Variants in FAM107B observed in about 807,000 individuals in gnomAD.
FAM107B encodes family with sequence similarity 107 member B.
FAM107B carries 21 observed loss-of-function variants against 31.5 expected under a neutral mutation model. The observed-to-expected ratio is 0.67, with a 90% confidence interval of 0.47 to 0.96. The LOEUF is 0.96. Ranked by LOEUF, FAM107B falls within the 40% of genes least tolerant of loss-of-function variation. The pLI, the probability that FAM107B is intolerant of heterozygous loss-of-function variation, is 0.00. For missense variants in FAM107B, 452 were observed against 377.1 expected (o/e 1.20, Z -1.64); for synonymous variants, 157 against 141.5 (o/e 1.11, Z -0.78).
chr10:14,631,100 AC>A, intron 2 of FAM107B, among the ~76,000 whole-genome samples: 1 of 152,224 alleles, frequency 6.6e-6, no homozygotes, highest in Non-Finnish European at 1.5e-5. Context: ...CATTACAAAA[AC>A]CTTTCTATTG....
chr10:14,520,202 G>C lies in FAM107B; in HGVS notation c.*988C>G, dbSNP rs72784927. ...GACATTCAAATGCTATACATCTTCT[G>C]ATGAAGCCTCCTTGACAGCAGTCTA... On this transcript the variant is annotated 3_prime_UTR_variant, in exon 5 of 5. Coordinates refer to ENST00000181796, the MANE Select transcript of FAM107B (RefSeq NM_031453.4). 6.6e-6 allele frequency: 1 copy of C among 152,308 alleles called. No homozygotes were observed. The highest frequency in any genetic ancestry group is 1.9e-4 in the East Asian group (1 of 5,182). 9.4% of individuals were successfully genotyped at this position (152,308 alleles called of 1,614,324 possible). A position where few individuals can be genotyped will look rare whatever the true frequency, so the allele number is the denominator to read the frequency against.
intron 1 of FAM107B, among the ~76,000 whole-genome samples, chr10:14,734,925 A>G (rs1296173609): frequency 6.6e-6 from 1 of 152,054 alleles, no homozygotes; most frequent in Admixed American, 6.5e-5. Context: ...GATATACGCA[A>G]TCTCCTCCCC....
At chr10:14,597,941 C>T (rs756144753) in intron 2 of FAM107B, among the ~76,000 whole-genome samples, 4 of 152,110 alleles carry the variant, frequency 2.6e-5, no homozygotes, top group Non-Finnish European at 5.9e-5. Flanking sequence ...CAGAGTGAGA[C>T]TCTGTCTCAA....
At chr10:14,584,226 G>C (rs571086169) in intron 2 of FAM107B, among the ~76,000 whole-genome samples, 51 of 152,266 alleles carry the variant, frequency 3.3e-4, no homozygotes, top group African/African-American at 1.2e-3. Flanking sequence ...CAATGACTCA[G>C]GAAGAAGCAC....
intron 2 of FAM107B, among the ~76,000 whole-genome samples, chr10:14,638,346 A>G (rs1853553541): frequency 2.0e-5 from 3 of 151,828 alleles, no homozygotes; most frequent in Admixed American, 2.0e-4. Flanking sequence ...CCATATTGCT[A>G]GAAGTGGAAG....
chr10:14,752,184 C>T (rs1260923899), intron 1 of FAM107B, among the ~76,000 whole-genome samples: 1 of 152,212 alleles, frequency 6.6e-6, no homozygotes, highest in African/African-American at 2.4e-5. Context: ...GACAGGCAAT[C>T]CATCCTTCCT....
intron 2 of FAM107B, among the ~76,000 whole-genome samples, chr10:14,536,533 G>A (rs553014696): frequency 6.6e-6 from 1 of 152,306 alleles, no homozygotes; most frequent in African/African-American, 2.4e-5. Context: ...AGCACCCACA[G>A]TTCCCAGACA....
At chr10:14,612,913 A>G (rs1852759514) in intron 2 of FAM107B, among the ~76,000 whole-genome samples, 1 of 152,190 alleles carries the variant, frequency 6.6e-6, no homozygotes, top group Non-Finnish European at 1.5e-5. Flanking sequence ...AAAAATTCCT[A>G]GAAAAATACA....
At chr10:14,664,043 T>C (rs1038839658) in intron 2 of FAM107B, among the ~76,000 whole-genome samples, 2 of 152,228 alleles carry the variant, frequency 1.3e-5, no homozygotes, top group African/African-American at 2.4e-5. Flanking sequence ...GGCCCAGCTC[T>C]TATGGTGCAT....
chr10:14,743,463 T>C (rs772883150), intron 1 of FAM107B, among the ~76,000 whole-genome samples: 1 of 152,244 alleles, frequency 6.6e-6, no homozygotes, highest in Non-Finnish European at 1.5e-5. Flanking sequence ...ATAGATTTTC[T>C]TCTAGGGTTT....
At chr10:14,687,583 A>G (rs554698939) in intron 1 of FAM107B, among the ~76,000 whole-genome samples, 152 of 134,462 alleles carry the variant, frequency 1.1e-3, no homozygotes, top group African/African-American at 4.1e-3. Context: ...GACATTTTCA[A>G]GTCTGCATGG....
intron 1 of FAM107B, chr10:14,723,846 G>A (rs1332047480): frequency 7.9e-6 from 6 of 755,990 alleles, no homozygotes; most frequent in African/African-American, 1.7e-5. Flanking sequence ...CATCAGCAGG[G>A]TTTTCAATGG....
intron 2 of FAM107B, among the ~76,000 whole-genome samples, chr10:14,533,230 C>T (rs951590592): frequency 2.6e-5 from 4 of 152,156 alleles, no homozygotes; most frequent in African/African-American, 4.8e-5. Flanking sequence ...ATGCTTTAGA[C>T]TCACGCAGCA....
At chr10:14,576,177 G>A (rs6602744) in intron 2 of FAM107B, among the ~76,000 whole-genome samples, 121,914 of 152,138 alleles carry the variant, frequency 0.8, 49,269 homozygotes, top group South Asian at 0.87. Context: ...ATGGTTGCAC[G>A]GCAGTGTGGT....
intron 1 of FAM107B, among the ~76,000 whole-genome samples, chr10:14,758,950 A>T (rs1832984404): frequency 6.7e-6 from 1 of 149,708 alleles, no homozygotes; most frequent in South Asian, 2.1e-4. Flanking sequence ...AGGCCGAGGC[A>T]GGTGGATCAC....
chr10:14,592,371 A>G (rs910916343), intron 2 of FAM107B, among the ~76,000 whole-genome samples: 7 of 152,234 alleles, frequency 4.6e-5, no homozygotes, highest in African/African-American at 1.2e-4. Context: ...CTGAGGCTTC[A>G]TGGGAAAGCC....
chr10:14,573,201 C>T (rs1334406399), intron 2 of FAM107B, among the ~76,000 whole-genome samples: 1 of 152,104 alleles, frequency 6.6e-6, no homozygotes, highest in Non-Finnish European at 1.5e-5. Flanking sequence ...TTCACTCTGT[C>T]CCCCAAAGTT....
chr10:14,525,369 C>T (rs766115932), intron 3 of FAM107B, among the ~76,000 whole-genome samples: 5 of 152,046 alleles, frequency 3.3e-5, no homozygotes, highest in Non-Finnish European at 2.9e-5. Flanking sequence ...GCGGGCAAAG[C>T]CAATTTAAAA....
chr10:14,589,081 C>T (rs1042927482), intron 2 of FAM107B, among the ~76,000 whole-genome samples: 2 of 150,232 alleles, frequency 1.3e-5, no homozygotes, highest in African/African-American at 4.9e-5. Context: ...ACTTGGGAGG[C>T]TGAGGCAGGA....
Sources: gnomAD v4.1 joint callset for allele counts (sites outside exome capture counted in the v4.1 genomes callset) on GRCh38, gnomAD v4.1.1 for gene constraint, MANE v1.5 for transcripts, NCBI Gene and HGNC (gene_info 2026-07-23, HGNC 2026-07-21) for gene names.